The following PLLP variants were observed in gnomAD, a reference collection of about 807,000 sequenced individuals.
PLLP encodes plasma membrane proteolipid (plasmolipin).
In PLLP, 15 loss-of-function variants were observed where a neutral mutation model predicts 19.7. The ratio of observed to expected loss-of-function variants is 0.76; its 90% confidence interval spans 0.51 to 1.17. PLLP has a LOEUF of 1.17. Among genes scored for constraint, PLLP ranks in the 50% most tolerant of loss-of-function variants. The pLI is 0.00. For synonymous variants in PLLP, 111 were observed against 116.3 expected, an observed-to-expected ratio of 0.95 and a Z score of 0.29; for missense variants, 255 against 258.3, an observed-to-expected ratio of 0.99 and a Z score of 0.09.
chr16:57,264,194 G>A (rs2075450256), intron 1 of PLLP, among the ~76,000 whole-genome samples: 2 of 151,820 alleles, frequency 1.3e-5, no homozygotes, highest in African/African-American at 4.8e-5. Flanking sequence ...ACAAGACTCG[G>A]GGGCCTGTAG....
intron 1 of PLLP, among the ~76,000 whole-genome samples, 165 bp downstream of exon 1, chr16:57,284,241 C>T (rs1397793065): frequency 6.6e-6 from 1 of 152,126 alleles, no homozygotes; most frequent in African/African-American, 2.4e-5. Flanking sequence ...TGGGGGCGTC[C>T]GTGCGGGAAG....
chr16:57,266,653 G>A, intron 1 of PLLP, among the ~76,000 whole-genome samples: 1 of 152,120 alleles, frequency 6.6e-6, no homozygotes, highest in East Asian at 1.9e-4. Context: ...TCACCCCTGG[G>A]CCCTGCAGGT....
chr16:57,263,434 T>C (rs1176137935), intron 1 of PLLP: 1 of 152,278 alleles, frequency 6.6e-6, no homozygotes, highest in East Asian at 1.9e-4. Context: ...GCTTATCATA[T>C]AATGACCATT....
intron 1 of PLLP, among the ~76,000 whole-genome samples, chr16:57,282,316 C>A (rs187528255): frequency 2.6e-4 from 39 of 151,650 alleles, no homozygotes; most frequent in African/African-American, 8.5e-4. Context: ...CGATCAAAGT[C>A]ACTGTAGCCT....
At chr16:57,264,649 C>G (rs1371679759) in intron 1 of PLLP, among the ~76,000 whole-genome samples, 1 of 152,100 alleles carries the variant, frequency 6.6e-6, no homozygotes, top group African/African-American at 2.4e-5. Flanking sequence ...GTTCAAGACC[C>G]CATCCTGGGC....
At chr16:57,266,997 G>A (rs1419653124) in intron 1 of PLLP, among the ~76,000 whole-genome samples, 3 of 150,970 alleles carry the variant, frequency 2.0e-5, no homozygotes, top group Admixed American at 6.7e-5. Context: ...ATTGGGTAAC[G>A]AAGAGATGTT....
intron 1 of PLLP, among the ~76,000 whole-genome samples, chr16:57,280,534 CTG>C (rs1901207065): frequency 6.6e-6 from 1 of 152,080 alleles, no homozygotes; most frequent in Non-Finnish European, 1.5e-5. Flanking sequence ...TCAAACTTGC[CTG>C]CCTTGTGACA....
chr16:57,267,045 G>A (rs72778735), intron 1 of PLLP, among the ~76,000 whole-genome samples: 10,181 of 152,122 alleles, frequency 0.067, 432 homozygotes, highest in Middle Eastern at 0.14. Context: ...GAGAAGATTC[G>A]TCACAAATGC....
intron 1 of PLLP, among the ~76,000 whole-genome samples, chr16:57,267,483 C>T (rs1159825948): frequency 6.6e-6 from 1 of 152,092 alleles, no homozygotes; most frequent in African/African-American, 2.4e-5. Context: ...AGAAGAATCA[C>T]TTTGAACTCA....
At position 57,267,632 on chromosome 16, in the gene PLLP, C is replaced by A. The variant is rs545477596; in HGVS notation, c.136-5562G>T. Among the ~76,000 whole-genome samples, 3 of 151,722 alleles carry A rather than the reference C, an allele frequency of 2.0e-5. No individual in the cohort carries two copies. In the East Asian group the frequency reaches 5.8e-4, roughly 30 times the overall value. ...GTGGATCATACCTGTAATCCCAGCA[C>A]TTTGGGAGGCTGAGGCAGGTGGATC... On this transcript the variant is annotated intron_variant, in intron 1 of 3. Coordinates refer to ENST00000219207, the MANE Select transcript of PLLP (RefSeq NM_015993.3).
intron 1 of PLLP, among the ~76,000 whole-genome samples, chr16:57,275,667 TGA>T (rs1653433767): frequency 2.0e-5 from 1 of 50,432 alleles, no homozygotes; most frequent in Non-Finnish European, 4.2e-5. Context: ...AAAAACACCA[TGA>T]GAGGGGGAAA....
intron 2 of PLLP, among the ~76,000 whole-genome samples, chr16:57,260,994 A>G (rs2075440077): frequency 6.6e-6 from 1 of 152,108 alleles, no homozygotes; most frequent in African/African-American, 2.4e-5. Flanking sequence ...CCCAGAGGGA[A>G]ATTTTTTTTT....
intron 1 of PLLP, among the ~76,000 whole-genome samples, chr16:57,275,052 G>A (rs1241265299): frequency 1.3e-5 from 2 of 151,884 alleles, no homozygotes; most frequent in Non-Finnish European, 2.9e-5. Flanking sequence ...GAGCCACCAC[G>A]CCCGGCCAAG....
chr16:57,281,020 AT>A (rs1336946925), intron 1 of PLLP, among the ~76,000 whole-genome samples: 1 of 152,170 alleles, frequency 6.6e-6, no homozygotes, highest in Admixed American at 6.5e-5. Flanking sequence ...ATTAGCTTCC[AT>A]TTTCTCATTT....
At chr16:57,264,471 G>A (rs187052449) in intron 1 of PLLP, among the ~76,000 whole-genome samples, 1 of 152,226 alleles carries the variant, frequency 6.6e-6, no homozygotes, top group Non-Finnish European at 1.5e-5. Flanking sequence ...TACACAATGT[G>A]CTTAGGAACT....
intron 2 of PLLP, among the ~76,000 whole-genome samples, chr16:57,261,580 G>T (rs1191909348): frequency 6.6e-6 from 1 of 152,202 alleles, no homozygotes; most frequent in South Asian, 2.1e-4. Flanking sequence ...AATTAGCAGG[G>T]CATGGTGGCA....
chr16:57,262,103 A>T (rs1208317079), intron 1 of PLLP, 33 bp from the exon 2 acceptor site: 3 of 1,607,590 alleles, frequency 1.9e-6, no homozygotes, highest in Non-Finnish European at 2.6e-6. Flanking sequence ...GATTGGCCAG[A>T]GATGCGGTTT....
intron 2 of PLLP, 150 bp from the exon 3 acceptor site, chr16:57,258,734 G>A (rs1396794939): frequency 2.8e-6 from 2 of 725,518 alleles, no homozygotes; most frequent in African/African-American, 1.8e-5. Flanking sequence ...CCAGCCTGGG[G>A]AACATAGGTA....
chr16:57,260,395 G>T (rs375018250), intron 2 of PLLP, among the ~76,000 whole-genome samples: 5 of 152,256 alleles, frequency 3.3e-5, no homozygotes, highest in African/African-American at 1.2e-4. Context: ...TCCCTGGGAC[G>T]TGAGGGAGGG....
Sources: allele counts gnomAD v4.1 joint callset (sites outside exome capture counted in the v4.1 genomes callset), GRCh38; gene constraint gnomAD v4.1.1; transcripts MANE v1.5; gene names NCBI Gene and HGNC (gene_info 2026-07-23, HGNC 2026-07-21).